Variants in HS6ST2 observed in about 807,000 individuals in gnomAD.
HS6ST2 encodes heparan sulfate 6-O-sulfotransferase 2.
Under a neutral mutation model 33.0 loss-of-function variants are expected in HS6ST2, and 17 were observed. That is an observed-to-expected ratio of 0.52 (90% CI 0.35 to 0.77). HS6ST2 has a LOEUF of 0.77. HS6ST2 is among the 30% of genes least tolerant of loss of function. The pLI is 0.01. For missense variants in HS6ST2, 519 were observed against 551.7 expected (o/e 0.94, Z 0.59); for synonymous variants, 248 against 237.1 (o/e 1.05, Z -0.42).
At chrX:132,948,470 G>A (rs1158163644) in intron 2 of HS6ST2, among the ~76,000 whole-genome samples, 2 of 112,100 alleles carry the variant, frequency 1.8e-5, no homozygotes, top group Non-Finnish European at 3.8e-5. Flanking sequence ...TTGAATCGGC[G>A]TGTGTGCCTA....
At chrX:132,908,041 T>C (rs985246009) in intron 2 of HS6ST2, among the ~76,000 whole-genome samples, 1 of 112,420 alleles carries the variant, frequency 8.9e-6, no homozygotes, top group Admixed American at 9.4e-5. Context: ...ACCTAGACTA[T>C]ATAAAGAACA....
At chrX:132,730,427 G>A (rs1251204836) in intron 2 of HS6ST2, among the ~76,000 whole-genome samples, 3 of 112,295 alleles carry the variant, frequency 2.7e-5, no homozygotes, top group Non-Finnish European at 5.6e-5. Flanking sequence ...ATCCATGTCT[G>A]AATCAAGCCG....
intron 3 of HS6ST2, among the ~76,000 whole-genome samples, chrX:132,689,862 TTAAAACATTATGAGA>T (rs1230640421): frequency 9.8e-6 from 1 of 101,568 alleles, no homozygotes; most frequent in Non-Finnish European, 2.0e-5. Flanking sequence ...GTAAGCTTTC[TTAAAACATTATGAGA>T]TTTTTTTCGC....
chrX:132,684,220 T>C (rs983465797), intron 3 of HS6ST2, among the ~76,000 whole-genome samples: 3 of 102,020 alleles, frequency 2.9e-5, no homozygotes, highest in Non-Finnish European at 5.9e-5. Flanking sequence ...GTGTCATATA[T>C]ATACATATAT....
intron 2 of HS6ST2, among the ~76,000 whole-genome samples, chrX:132,717,077 T>C (rs1335069352): frequency 2.7e-5 from 3 of 112,954 alleles, no homozygotes; most frequent in Admixed American, 1.9e-4. Flanking sequence ...AGTGCTAAAA[T>C]AAGGATCAAG....
At chrX:132,659,563 A>G (rs1173674458) in intron 4 of HS6ST2, among the ~76,000 whole-genome samples, 2 of 78,205 alleles carry the variant, frequency 2.6e-5, no homozygotes, top group Non-Finnish European at 2.2e-5. Context: ...GCTTTTAGCT[A>G]CATAATCCTA....
chrX:132,896,445 T>C (rs1416109126), intron 2 of HS6ST2, among the ~76,000 whole-genome samples: 1 of 103,960 alleles, frequency 9.6e-6, no homozygotes, highest in Non-Finnish European at 2.0e-5. Flanking sequence ...CACTCCATCC[T>C]GGGCTACAGA....
intron 2 of HS6ST2, among the ~76,000 whole-genome samples, chrX:132,786,713 C>T (rs2065064618): frequency 9.2e-6 from 1 of 109,144 alleles, no homozygotes; most frequent in South Asian, 4.2e-4. Flanking sequence ...CCTCCGGCTC[C>T]CGGTTTCAAG....
chrX:132,844,841 T>C (rs2065736450), intron 2 of HS6ST2, among the ~76,000 whole-genome samples: 1 of 110,966 alleles, frequency 9.0e-6, no homozygotes, highest in African/African-American at 3.3e-5. Context: ...ATTCTCTCGA[T>C]TAAAGTCAGT....
intron 2 of HS6ST2, among the ~76,000 whole-genome samples, chrX:132,732,302 G>T (rs1031153677): frequency 2.7e-5 from 3 of 111,513 alleles, no homozygotes; most frequent in African/African-American, 6.5e-5. Context: ...GGCAAAGTAG[G>T]CTTCTAACTC....
At chrX:132,713,397 C>T (rs1190606362) in intron 2 of HS6ST2, among the ~76,000 whole-genome samples, 1 of 111,740 alleles carries the variant, frequency 8.9e-6, no homozygotes, top group Non-Finnish European at 1.9e-5. Flanking sequence ...GCAGGCCTGC[C>T]ACACAGCTCG....
chrX:132,668,734 ACAGGTTTTCAT>A (rs747530237), intron 4 of HS6ST2, among the ~76,000 whole-genome samples: 18 of 111,971 alleles, frequency 1.6e-4, no homozygotes, highest in South Asian at 7.5e-4. Flanking sequence ...ATGGATCAGG[ACAGGTTTTCAT>A]GGACTTTGTA....
intron 2 of HS6ST2, among the ~76,000 whole-genome samples, chrX:132,905,796 C>T (rs987155412): frequency 1.8e-5 from 2 of 111,505 alleles, no homozygotes; most frequent in African/African-American, 6.5e-5. Flanking sequence ...TAGCTATTTC[C>T]GTTACCTCAC....
chrX:132,698,826 T>C (rs1382235847), intron 3 of HS6ST2, among the ~76,000 whole-genome samples: 1 of 111,905 alleles, frequency 8.9e-6, no homozygotes, highest in Admixed American at 9.5e-5. Flanking sequence ...ATTATCTATA[T>C]CTGCCACCAG....
At chrX:132,875,672 A>G (rs1247946275) in intron 2 of HS6ST2, among the ~76,000 whole-genome samples, 2 of 111,906 alleles carry the variant, frequency 1.8e-5, no homozygotes, top group African/African-American at 6.5e-5. Context: ...GGCAGGGGAG[A>G]CCTTGAATGA....
intron 2 of HS6ST2, among the ~76,000 whole-genome samples, chrX:132,895,610 T>C (rs1005906955): frequency 4.0e-4 from 45 of 112,011 alleles, no homozygotes; most frequent in African/African-American, 1.4e-3. Context: ...GAGGGCTTTA[T>C]ATGCATTTTG....
chrX:132,670,281 AAAATAGATGT>A (rs1348085713), intron 3 of HS6ST2, among the ~76,000 whole-genome samples: 8 of 112,164 alleles, frequency 7.1e-5, no homozygotes, highest in African/African-American at 2.6e-4. Flanking sequence ...AAGTATCTCC[AAAATAGATGT>A]CTGCAAGTAG....
At chrX:132,954,849 G>C (rs773992275) in intron 2 of HS6ST2, among the ~76,000 whole-genome samples, 1 of 112,116 alleles carries the variant, frequency 8.9e-6, no homozygotes, top group South Asian at 3.7e-4. Flanking sequence ...GACAATCCAA[G>C]AGGCTTTGAG....
At position 132,755,283 on chromosome X, in the gene HS6ST2, G is replaced by C. The variant is rs145569246; in HGVS notation, c.948-46789C>G. On this transcript the variant is annotated intron_variant, in intron 2 of 4. Transcript: ENST00000370833. Reference sequence around the variant, plus strand: ...TTGGCTGTTGGTAGCTCTTTTAGTTGGCTCCTGTGATGTTCTGCTTTTTGT... The same window carrying C: ...TTGGCTGTTGGTAGCTCTTTTAGTTCGCTCCTGTGATGTTCTGCTTTTTGT... 3.1e-3 allele frequency among the ~76,000 whole-genome samples: 341 copies of C among 111,388 alleles called. 1 individual carries two copies. Among genetic ancestry groups the C allele is most frequent in the Admixed American group, 0.018 (184 of 10,461 alleles).
Sources: allele counts gnomAD v4.1 joint callset (sites outside exome capture counted in the v4.1 genomes callset), GRCh38; gene constraint gnomAD v4.1.1; transcripts MANE v1.5; gene names NCBI Gene and HGNC (gene_info 2026-07-23, HGNC 2026-07-21).